The following GPR63 variants were observed in gnomAD, a reference collection of about 807,000 sequenced individuals.
The protein encoded by GPR63 is probable G protein-coupled receptor 63.
A neutral mutation model predicts 23.1 loss-of-function variants in GPR63; 12 were observed. That is an observed-to-expected ratio of 0.52 (90% CI 0.33 to 0.84). The LOEUF (loss-of-function observed/expected upper bound fraction) is 0.84, where lower values mean the gene tolerates loss of function less well. Among genes scored for constraint, GPR63 ranks in the 40% least tolerant of loss-of-function variants. GPR63 has a pLI of 0.02. For synonymous variants in GPR63, 172 were observed against 191.1 expected (o/e 0.90, Z 0.82); for missense variants, 472 against 515.6 (o/e 0.92, Z 0.82).
intron 1 of GPR63, among the ~76,000 whole-genome samples, chr6:96,804,922 A>C (rs1425001767): frequency 1.3e-5 from 2 of 152,210 alleles, no homozygotes; most frequent in African/African-American, 2.4e-5. Context: ...GTTCTTGTTT[A>C]ACTTTTAGAA....
rs2127936926 is a variant in GPR63, at chr6:96,795,592, C to A, written c.*2880G>T. ...AAGACCCCTTCATAATCTTTGTTCA[C>A]AAACAGGGAGCGTCTCGGCAGGCAC... is the stretch of plus-strand genomic sequence containing the variant. On this transcript the variant is annotated 3_prime_UTR_variant, in exon 2 of 2. Coordinates refer to ENST00000229955, the MANE Select transcript of GPR63 (RefSeq NM_030784.4). 1 of 152,300 alleles carries A rather than the reference C, an allele frequency of 6.6e-6. No homozygotes were observed. The highest frequency in any genetic ancestry group is 1.9e-4 in the East Asian group (1 of 5,192). 9.4% of individuals were successfully genotyped at this position (152,300 alleles called of 1,614,324 possible).
intron 1 of GPR63, among the ~76,000 whole-genome samples, chr6:96,807,200 A>C (rs1773917364): frequency 6.6e-6 from 1 of 152,214 alleles, no homozygotes; most frequent in Admixed American, 6.5e-5. Context: ...TATTGAGATC[A>C]ATCAACCTCT....
At chr6:96,808,193 G>C (rs543661229) in intron 1 of GPR63, among the ~76,000 whole-genome samples, 1 of 152,196 alleles carries the variant, frequency 6.6e-6, no homozygotes, top group Admixed American at 6.5e-5. Context: ...TTTTTTACCA[G>C]AATATTCATG....
In GPR63 at chr6:96,798,296, C is replaced by T. The variant is rs1773645082; in HGVS notation, c.*176G>A. 2 of 632,806 alleles carry T rather than the reference C, an allele frequency of 3.2e-6. No homozygotes were observed. Among genetic ancestry groups the T allele is most frequent in the Non-Finnish European group, 5.2e-6 (2 of 387,728 alleles). 39.2% of individuals were successfully genotyped at this position (632,806 alleles called of 1,614,324 possible). A position where few individuals can be genotyped will look rare whatever the true frequency, so the allele number is the denominator to read the frequency against. ...ACCCTGGAGGTAATATTTGTAATCA[C>T]TTTCCTATTATTTATTCTTGGTAAC... On this transcript the variant is annotated 3_prime_UTR_variant, in exon 2 of 2. Transcript: ENST00000229955.
chr6:96,825,208 G>A (rs1156442923), intron 1 of GPR63, among the ~76,000 whole-genome samples: 3 of 152,034 alleles, frequency 2.0e-5, no homozygotes, highest in African/African-American at 7.2e-5. Context: ...TATTCAATTA[G>A]GGCGGGAACC....
At chr6:96,836,980 C>G (rs1774747297) in intron 1 of GPR63, among the ~76,000 whole-genome samples, 1 of 151,900 alleles carries the variant, frequency 6.6e-6, no homozygotes, top group African/African-American at 2.4e-5. Context: ...AAGGCCTAAC[C>G]GCTCAGACGG....
rs1486218341 is a variant in GPR63 at position 96,799,198 on chromosome 6, A to G, written c.534T>C (p.Asp178=). 10 of 1,614,088 alleles carry G rather than the reference A, an allele frequency of 6.2e-6. No homozygotes were observed. The highest frequency in any genetic ancestry group is 3.3e-5 in the Admixed American group (2 of 60,000). The change falls in exon 2 of 2, where the codon GAT becomes GAC. Residue 178 remains aspartate (D), a synonymous_variant. Coordinates refer to ENST00000229955, the MANE Select transcript of GPR63 (RefSeq NM_030784.4). ...GCCTCTGGACTATAATAAGGAACCT[A>G]TCTATGCTAATGATGAGCAGGATGG... ...GVAILLIISI[D]RFLIIVQRQD...
At chr6:96,834,304 T>C (rs758702449) in intron 1 of GPR63, among the ~76,000 whole-genome samples, 61 of 152,174 alleles carry the variant, frequency 4.0e-4, no homozygotes, top group Non-Finnish European at 7.9e-4. Context: ...TGTTTTGTGG[T>C]TGCAAAAGTA....
chr6:96,814,031 T>C (rs1276867459), intron 1 of GPR63, among the ~76,000 whole-genome samples: 2 of 152,160 alleles, frequency 1.3e-5, no homozygotes, highest in Admixed American at 1.3e-4. Flanking sequence ...AAAACAATTG[T>C]AGTATTGTTA....
chr6:96,802,530 A>T (rs1350086091), intron 1 of GPR63, among the ~76,000 whole-genome samples: 1 of 137,906 alleles, frequency 7.3e-6, no homozygotes, highest in African/African-American at 2.7e-5. Flanking sequence ...TAGATAAAAA[A>T]TTTTTTCTAA....
chr6:96,800,034 A>G (rs1773721811), intron 1 of GPR63, among the ~76,000 whole-genome samples, 153 bp from the exon 2 acceptor site: 1 of 152,228 alleles, frequency 6.6e-6, no homozygotes, highest in African/African-American at 2.4e-5. Flanking sequence ...ACACTAAAAT[A>G]TCGTTCTGTT....
Position 96,799,404 on chromosome 6 carries a change from C to CT in GPR63, c.327dup (p.Ala110SerfsTer8), listed in dbSNP as rs1773696661. On this transcript the variant is annotated frameshift_variant, in exon 2 of 2. Transcript: ENST00000229955. LOFTEE classifies it high-confidence loss of function. ...ATGTTAATTGCAGACCTCATGGCAGCTTTTTGGTAAACCATGAGGCAAACA... is the reference window on the plus strand; with the variant it reads ...ATGTTAATTGCAGACCTCATGGCAGCTTTTTTGGTAAACCATGAGGCAAACA... 1 of 1,613,984 alleles carries CT rather than the reference C, an allele frequency of 6.2e-7. No homozygotes were observed. Among genetic ancestry groups the CT allele is most frequent in the Admixed American group, 1.7e-5 (1 of 59,990 alleles).
At chr6:96,820,411 T>C (rs1016732943) in intron 1 of GPR63, among the ~76,000 whole-genome samples, 1 of 152,178 alleles carries the variant, frequency 6.6e-6, no homozygotes, top group Non-Finnish European at 1.5e-5. Flanking sequence ...CTTATGAAAA[T>C]AGGATTTTGT....
chr6:96,830,645 T>G (rs1774557141), intron 1 of GPR63, among the ~76,000 whole-genome samples: 1 of 152,188 alleles, frequency 6.6e-6, no homozygotes, highest in Admixed American at 6.5e-5. Context: ...AGTACATGCG[T>G]GTTTACCTTC....
chr6:96,807,058 T>C (rs139912490), intron 1 of GPR63, among the ~76,000 whole-genome samples: 80 of 152,362 alleles, frequency 5.3e-4, no homozygotes, highest in African/African-American at 1.9e-3. Context: ...GACAAATTCA[T>C]GCCAGAGATG....
chr6:96,819,739 AAAAC>A (rs1256564903), intron 1 of GPR63, among the ~76,000 whole-genome samples: 1 of 151,734 alleles, frequency 6.6e-6, no homozygotes, highest in Non-Finnish European at 1.5e-5. Context: ...AAAAAACAAA[AAAAC>A]AAAAAAAAAC....
In GPR63 at chr6:96,795,819, C is replaced by T. The variant is rs941809213; in HGVS notation, c.*2653G>A. ...AAAGTCTAATAAAAAATGTCCTTAT[C>T]AATATCTGCTTGAAATCTAGTTTAT... On this transcript the variant is annotated 3_prime_UTR_variant, in exon 2 of 2. Transcript: ENST00000229955. The T allele has an allele frequency of 3.3e-5, 5 of 152,168 alleles. No individual in the cohort carries two copies. The highest frequency in any genetic ancestry group is 1.2e-4 in the African/African-American group (5 of 41,434). 9.4% of individuals were successfully genotyped at this position (152,168 alleles called of 1,614,324 possible). A position where few individuals can be genotyped will look rare whatever the true frequency, so the allele number is the denominator to read the frequency against.
At chr6:96,825,417 T>C (rs1268752546) in intron 1 of GPR63, among the ~76,000 whole-genome samples, 2 of 152,156 alleles carry the variant, frequency 1.3e-5, no homozygotes, top group East Asian at 3.9e-4. Flanking sequence ...AAATTCTCCC[T>C]CCTACAAGGG....
chr6:96,823,140 T>C (rs1198534942), intron 1 of GPR63, among the ~76,000 whole-genome samples: 1 of 152,230 alleles, frequency 6.6e-6, no homozygotes, highest in Non-Finnish European at 1.5e-5. Context: ...AGGATGTTAC[T>C]GCTTTATGTA....
Sources: gnomAD v4.1 joint callset for allele counts (sites outside exome capture counted in the v4.1 genomes callset) on GRCh38, gnomAD v4.1.1 for gene constraint, MANE v1.5 for transcripts, NCBI Gene and HGNC (gene_info 2026-07-23, HGNC 2026-07-21) for gene names.